The following SOX5 variants were observed in gnomAD, a reference collection of about 807,000 sequenced individuals.
SOX5 encodes the protein SRY-box transcription factor 5.
In SOX5, 9 loss-of-function variants were observed where a neutral mutation model predicts 92.0. The observed-to-expected ratio is 0.10, with a 90% CI of 0.06 to 0.17. The LOEUF is 0.17. SOX5 is among the 10% of genes least tolerant of loss of function. The pLI is 1.00. For missense variants in SOX5, 642 were observed against 944.5 expected (o/e 0.68, Z 4.20); for synonymous variants, 344 against 336.3 (o/e 1.02, Z -0.25).
chr12:24,230,836 C>A (rs745721093), intron 3 of SOX5, among the ~76,000 whole-genome samples: 10 of 152,138 alleles, frequency 6.6e-5, no homozygotes, highest in Non-Finnish European at 1.3e-4. Context: ...TATAAATGTA[C>A]ATAAATATCA....
rs987072832 is a variant in SOX5, at chr12:24,043,598, A to G, written c.-1-147574T>C. The stretch of plus-strand genomic sequence containing the variant: ...CAGAAATTAAGGTAAGGGTCCCCCA[A>G]GTTCATCATGGGATGGCGGCATTTC... On this transcript the variant is annotated intron_variant, in intron 4 of 4. Transcript: ENST00000446891. Among the ~76,000 whole-genome samples the G allele has an allele frequency of 4.6e-5, 7 of 152,232 alleles. No homozygotes were observed. The East Asian group carries it at 5.8e-4, about 13-fold the overall frequency.
At chr12:23,702,114 G>A (rs1207960856) in intron 6 of SOX5, among the ~76,000 whole-genome samples, 4 of 151,852 alleles carry the variant, frequency 2.6e-5, no homozygotes, top group Admixed American at 6.6e-5. Context: ...TCTCTTATAC[G>A]CTGTTTTAAG....
chr12:23,802,028 G>A (rs561485619), intron 3 of SOX5, among the ~76,000 whole-genome samples: 8 of 152,084 alleles, frequency 5.3e-5, no homozygotes, highest in Admixed American at 1.3e-4. Flanking sequence ...AATATTACAC[G>A]TAGAACAAAC....
At chr12:23,865,216 T>C (rs1428919264) in intron 2 of SOX5, among the ~76,000 whole-genome samples, 1 of 152,196 alleles carries the variant, frequency 6.6e-6, no homozygotes, top group Non-Finnish European at 1.5e-5. Context: ...AAAGAGAGAT[T>C]CATTTAAAAA....
chr12:24,006,070 G>A (rs1952126334), intron 4 of SOX5, among the ~76,000 whole-genome samples: 1 of 152,144 alleles, frequency 6.6e-6, no homozygotes, highest in Admixed American at 6.6e-5. Flanking sequence ...GGCTATTGAT[G>A]TCAAAGGCTT....
At chr12:23,674,324 C>T (rs1324442493) in intron 6 of SOX5, among the ~76,000 whole-genome samples, 1 of 111,220 alleles carries the variant, frequency 9.0e-6, no homozygotes, top group Non-Finnish European at 1.9e-5. Context: ...TATTTTCTTA[C>T]CATAAAAAGG....
At chr12:24,407,983 G>C (rs912772577) in intron 1 of SOX5, among the ~76,000 whole-genome samples, 4 of 152,182 alleles carry the variant, frequency 2.6e-5, no homozygotes, top group African/African-American at 9.7e-5. Flanking sequence ...TGGTACTGTA[G>C]ACAGACTGTT....
chr12:24,346,661 C>T (rs183300435), intron 2 of SOX5, among the ~76,000 whole-genome samples: 7 of 152,154 alleles, frequency 4.6e-5, no homozygotes, highest in East Asian at 3.9e-4. Flanking sequence ...CTATGCTGGC[C>T]GGGCTGGTCT....
At chr12:23,984,270 G>A (rs752082414) in intron 4 of SOX5, among the ~76,000 whole-genome samples, 9 of 152,178 alleles carry the variant, frequency 5.9e-5, no homozygotes, top group Admixed American at 3.3e-4. Flanking sequence ...ATTTCAGCCT[G>A]CTGTGCTAAG....
rs1226189353 is a variant in SOX5, at chr12:24,176,976, TG to T, written c.-2+36366del. Reference sequence around the variant, plus strand: ...TTCAGAGCAGTCAAGTTTTGTTTTTTGTTTTTTTTTTTTTTTTTTGTCATCA... The same window carrying T: ...TTCAGAGCAGTCAAGTTTTGTTTTTTTTTTTTTTTTTTTTTTTTGTCATCA... On this transcript the variant is annotated intron_variant, in intron 4 of 4. Transcript: ENST00000446891. Among the ~76,000 whole-genome samples the T allele has an allele frequency of 2.9e-3, 163 of 56,418 alleles. 1 individual carries two copies. The highest frequency in any genetic ancestry group is 0.01 in the African/African-American group (144 of 14,038). 37.0% of individuals were successfully genotyped at this position (56,418 alleles called of 152,430 possible).
chr12:24,418,032 A>G (rs917206140), intron 1 of SOX5, among the ~76,000 whole-genome samples: 3 of 152,222 alleles, frequency 2.0e-5, no homozygotes, highest in Admixed American at 2.0e-4. Flanking sequence ...GAATTATTTC[A>G]AAGATTTTTA....
chr12:24,466,833 C>A (rs1265104502), intron 1 of SOX5, among the ~76,000 whole-genome samples: 1 of 152,118 alleles, frequency 6.6e-6, no homozygotes, highest in African/African-American at 2.4e-5. Context: ...TTTTAAAGCT[C>A]CCCAGGTAAT....
chr12:24,114,503 G>A (rs1386623853), intron 4 of SOX5, among the ~76,000 whole-genome samples: 1 of 130,238 alleles, frequency 7.7e-6, no homozygotes, highest in Non-Finnish European at 1.5e-5. Context: ...TTGAGCCTGG[G>A]AAGTGGAGGT....
intron 3 of SOX5, among the ~76,000 whole-genome samples, chr12:24,236,569 T>G (rs562914858): frequency 6.6e-6 from 1 of 152,358 alleles, no homozygotes; most frequent in Non-Finnish European, 1.5e-5. Flanking sequence ...GGCTGACTGA[T>G]GTACACAGGA....
chr12:23,657,952 C>T (rs1271231841), intron 7 of SOX5, among the ~76,000 whole-genome samples: 1 of 152,030 alleles, frequency 6.6e-6, no homozygotes, highest in Non-Finnish European at 1.5e-5. Context: ...CTAGTTATGG[C>T]CTAATAAAAT....
chr12:23,558,243 T>C (rs1945576156), intron 11 of SOX5, among the ~76,000 whole-genome samples: 1 of 152,096 alleles, frequency 6.6e-6, no homozygotes, highest in South Asian at 2.1e-4. Context: ...TCTAATTTAG[T>C]GGTAAAAAAT....
intron 4 of SOX5, among the ~76,000 whole-genome samples, chr12:24,094,339 T>C (rs1345355192): frequency 1.3e-5 from 2 of 152,232 alleles, no homozygotes; most frequent in African/African-American, 4.8e-5. Context: ...ATAAAATGTC[T>C]GTTTATTACC....
rs535215490 is a variant in SOX5, at chr12:24,476,685, G to A, written c.-251+85644C>T. On this transcript the variant is annotated intron_variant, in intron 1 of 4. Transcript: ENST00000446891. ...GTTACCACACTGCACTGCATTTGTC[G>A]ATATGTGTTGGCTTACCCCATTAGA... 5.3e-4 allele frequency among the ~76,000 whole-genome samples: 81 copies of A among 152,130 alleles called. No individual in the cohort carries two copies. In the South Asian group the frequency reaches 0.011, roughly 21 times the overall value.
rs937617798 is a variant in SOX5 at position 23,910,050 on chromosome 12, C to G, written c.39-14026G>C. On this transcript the variant is annotated intron_variant, in intron 1 of 14. Transcript: ENST00000451604. The stretch of plus-strand genomic sequence containing the variant: ...CATCACACCATCCACACACAGTTCC[C>G]TGAAAACATTTTTAAAGGCTACATA... Among the ~76,000 whole-genome samples the G allele has an allele frequency of 4.9e-4, 75 of 152,158 alleles. 1 individual carries two copies. Among genetic ancestry groups the G allele is most frequent in the Admixed American group, 1.7e-3 (26 of 15,268 alleles).
Sources: gnomAD v4.1 joint callset for allele counts (sites outside exome capture counted in the v4.1 genomes callset) on GRCh38, gnomAD v4.1.1 for gene constraint, MANE v1.5 for transcripts, NCBI Gene and HGNC (gene_info 2026-07-23, HGNC 2026-07-21) for gene names.